The following KAT6B variants were observed in gnomAD, a reference collection of about 807,000 sequenced individuals.
KAT6B encodes the protein lysine acetyltransferase 6B.
KAT6B carries 10 observed loss-of-function variants against 187.5 expected under a neutral mutation model. That is an observed-to-expected ratio of 0.05 (90% CI 0.03 to 0.09). The LOEUF is 0.09. KAT6B is among the 10% of genes least tolerant of loss of function. The pLI, the probability that KAT6B is intolerant of heterozygous loss-of-function variation, is 1.00. For missense variants in KAT6B, 1,952 were observed against 2,558.9 expected (o/e 0.76, Z 5.12); for synonymous variants, 861 against 926.8 (o/e 0.93, Z 1.29).
chr10:74,843,472 A>G lies in KAT6B; in HGVS notation c.615A>G (p.Lys205=), dbSNP rs1425203794. The G allele has an allele frequency of 1.9e-6, 3 of 1,613,472 alleles. No individual in the cohort carries two copies. The highest frequency in any genetic ancestry group is 2.5e-6 in the Non-Finnish European group (3 of 1,180,024). The stretch of plus-strand genomic sequence containing the variant: ...CTGTCAGCCTTCTACCCCATGAGAA[A>G]GACCAGGTAAGCGAAGGAGTAATGT... ...LPPVSLLPHE[K]DQPRADPIPI... The change falls in exon 3 of 18, where the codon AAA becomes AAG. Residue 205 remains lysine, a synonymous_variant. Coordinates refer to ENST00000287239, the MANE Select transcript of KAT6B (RefSeq NM_012330.4).
chr10:74,839,479 G>A (rs968533794), intron 2 of KAT6B, among the ~76,000 whole-genome samples: 2 of 151,932 alleles, frequency 1.3e-5, no homozygotes, highest in Non-Finnish European at 2.9e-5. Context: ...TGATCCACCC[G>A]CCTTGGCCTC....
At chr10:75,024,442 G>C (rs1845659129) in intron 16 of KAT6B, among the ~76,000 whole-genome samples, 1 of 151,956 alleles carries the variant, frequency 6.6e-6, no homozygotes, top group Non-Finnish European at 1.5e-5. Flanking sequence ...CCTTTTCATA[G>C]CCCTGAAGTC....
chr10:74,971,172 CTAATT>C (rs1479878513), intron 6 of KAT6B, among the ~76,000 whole-genome samples: 1 of 152,154 alleles, frequency 6.6e-6, no homozygotes, highest in Non-Finnish European at 1.5e-5. Context: ...TAAATGAACT[CTAATT>C]TATTTAACCA....
intron 3 of KAT6B, among the ~76,000 whole-genome samples, chr10:74,951,005 T>C (rs1840282329): frequency 6.6e-6 from 1 of 151,998 alleles, no homozygotes; most frequent in Non-Finnish European, 1.5e-5. Context: ...ATAAATTGAA[T>C]AGATTGAAAT....
intron 13 of KAT6B, among the ~76,000 whole-genome samples, chr10:75,009,962 T>C (rs1169460120): frequency 6.6e-6 from 1 of 152,116 alleles, no homozygotes; most frequent in Non-Finnish European, 1.5e-5. Flanking sequence ...GATCATGCCA[T>C]TGCACTCCAG....
At chr10:74,834,522 T>C (rs1841130457) in intron 1 of KAT6B, among the ~76,000 whole-genome samples, 1 of 151,804 alleles carries the variant, frequency 6.6e-6, no homozygotes, top group African/African-American at 2.4e-5. Context: ...TTTTAAATTA[T>C]ATTTGTCTTT....
chr10:74,826,023 A>G (rs1417375305), upstream of KAT6B, among the ~76,000 whole-genome samples: 1 of 150,460 alleles, frequency 6.6e-6, no homozygotes, highest in Admixed American at 6.6e-5. Context: ...AGAACCTCGA[A>G]TTTTAACTTC....
At chr10:74,892,754 GAGGTACCAGCC>G (rs2132656585) in intron 3 of KAT6B, among the ~76,000 whole-genome samples, 1 of 152,286 alleles carries the variant, frequency 6.6e-6, no homozygotes, top group East Asian at 1.9e-4. Flanking sequence ...GAGCTGCACA[GAGGTACCAGCC>G]AGGTGCTGCT....
At chr10:75,027,546 T>C (rs770057521) in intron 17 of KAT6B, among the ~76,000 whole-genome samples, 3 of 152,078 alleles carry the variant, frequency 2.0e-5, no homozygotes, top group Non-Finnish European at 2.9e-5. Flanking sequence ...AATCTAAAGA[T>C]CTTAAGAATA....
At chr10:74,998,744 C>A (rs1309484688) in intron 13 of KAT6B, among the ~76,000 whole-genome samples, 1 of 152,124 alleles carries the variant, frequency 6.6e-6, no homozygotes, top group African/African-American at 2.4e-5. Flanking sequence ...CATAGTAAGA[C>A]CCCATCTCTA....
intron 3 of KAT6B, among the ~76,000 whole-genome samples, chr10:74,870,561 A>G (rs536301288): frequency 6.5e-4 from 99 of 152,312 alleles, no homozygotes; most frequent in Non-Finnish European, 1.3e-3. Flanking sequence ...TTGTTTAAAT[A>G]TAAATTGTCT....
At chr10:74,969,009 TA>T (rs1038393759) in intron 4 of KAT6B, among the ~76,000 whole-genome samples, 1 of 152,194 alleles carries the variant, frequency 6.6e-6, no homozygotes, top group African/African-American at 2.4e-5. Context: ...GGGTCCTGTT[TA>T]ACCTGGATCT....
intron 3 of KAT6B, among the ~76,000 whole-genome samples, chr10:74,903,591 T>G (rs1589587803): frequency 6.6e-6 from 1 of 152,228 alleles, no homozygotes; most frequent in African/African-American, 2.4e-5. Flanking sequence ...CTAAACGAGC[T>G]TGGAGGTGAA....
At chr10:75,027,369 T>TA (rs201041941) in intron 17 of KAT6B, among the ~76,000 whole-genome samples, 200 of 152,344 alleles carry the variant, frequency 1.3e-3, no homozygotes, top group African/African-American at 4.2e-3. Context: ...CTTACTCTGC[T>TA]GTCCACCAGT....
rs753988042 is a variant in KAT6B, at chr10:74,972,612, C to T, written c.1034C>T (p.Pro345Leu). ...CGATATGCAAAACCCATTGGACGAC[C>T]GAAAAATAAATTAAAGCAACGATTG... ...KRRYAKPIGRPKNKLKQRLLS... is the reference protein window; with the variant it reads ...KRRYAKPIGRLKNKLKQRLLS... Residue 345 changes from proline (P) to leucine (L), a missense_variant, in exon 7 of 18, where the codon CCG becomes CTG. This residue lies in a region of KAT6B where 417 missense variants were observed against 508.9 expected (regional missense o/e 0.82). Coordinates refer to ENST00000287239, the MANE Select transcript of KAT6B (RefSeq NM_012330.4). The T allele has an allele frequency of 4.3e-6, 7 of 1,612,812 alleles. No homozygotes were observed. The highest frequency in any genetic ancestry group is 1.1e-5 in the South Asian group (1 of 90,906).
At chr10:74,999,651 T>A (rs2133955087) in intron 13 of KAT6B, among the ~76,000 whole-genome samples, 1 of 152,300 alleles carries the variant, frequency 6.6e-6, no homozygotes, top group African/African-American at 2.4e-5. Context: ...GCCCTTGCTA[T>A]GTGTCAGGCA....
chr10:74,994,316 A>G (rs935754672), intron 13 of KAT6B, among the ~76,000 whole-genome samples: 2 of 152,146 alleles, frequency 1.3e-5, no homozygotes, highest in Admixed American at 6.5e-5. Flanking sequence ...TTATCAGCAA[A>G]TGTTTCAAGT....
At chr10:74,848,693 CAA>C (rs988681560) in intron 3 of KAT6B, among the ~76,000 whole-genome samples, 4 of 152,040 alleles carry the variant, frequency 2.6e-5, no homozygotes, top group African/African-American at 9.7e-5. Flanking sequence ...CAAAGGCACC[CAA>C]AATGCCTAGT....
At chr10:74,969,936 T>TA (rs1841740665) in intron 5 of KAT6B, 84 bp from the exon 6 acceptor site, 1 of 1,069,906 alleles carries the variant, frequency 9.3e-7, no homozygotes, top group Non-Finnish European at 1.4e-6. Context: ...TATATTGTAT[T>TA]AATGTTAATC....
Sources: gnomAD v4.1 joint callset for allele counts (sites outside exome capture counted in the v4.1 genomes callset) on GRCh38, gnomAD v4.1.1 for gene constraint, gnomAD v4.1.1 regional missense constraint, MANE v1.5 for transcripts, NCBI Gene and HGNC (gene_info 2026-07-23, HGNC 2026-07-21) for gene names.